PPP3CA: variants seen among roughly 807,000 people sequenced by gnomAD.
PPP3CA encodes protein phosphatase 3 catalytic subunit alpha.
A neutral mutation model predicts 66.5 loss-of-function variants in PPP3CA; 14 were observed. The observed-to-expected ratio is 0.21, with a 90% CI of 0.14 to 0.33. The LOEUF (loss-of-function observed/expected upper bound fraction) is 0.33. Ranked by LOEUF, PPP3CA falls within the 10% of genes least tolerant of loss-of-function variation. The probability of loss-of-function intolerance (pLI) is 1.00; values close to 1 mark genes in which losing one functional copy is unlikely to be tolerated. For synonymous variants in PPP3CA, 232 were observed against 226.2 expected (o/e 1.03, Z -0.23); for missense variants, 317 against 639.5 (o/e 0.50, Z 5.44).
At chr4:101,294,936 C>T (rs893008139) in intron 1 of PPP3CA, among the ~76,000 whole-genome samples, 1 of 151,928 alleles carries the variant, frequency 6.6e-6, no homozygotes, top group African/African-American at 2.4e-5. Context: ...AATGTTTATA[C>T]ACAAGGTAAA....
intron 1 of PPP3CA, among the ~76,000 whole-genome samples, chr4:101,221,941 AAC>A (rs1214065863): frequency 6.6e-6 from 1 of 151,614 alleles, no homozygotes; most frequent in Non-Finnish European, 1.5e-5. Context: ...ATATTACCCA[AAC>A]ACACTTAAAA....
chr4:101,203,023 T>C (rs1025890406), intron 1 of PPP3CA, among the ~76,000 whole-genome samples: 1 of 152,170 alleles, frequency 6.6e-6, no homozygotes, highest in African/African-American at 2.4e-5. Flanking sequence ...TATAGCAAAA[T>C]AGTATCTTAC....
chr4:101,319,287 C>T (rs75375211), intron 1 of PPP3CA, among the ~76,000 whole-genome samples: 1,938 of 151,836 alleles, frequency 0.013, 49 homozygotes, highest in African/African-American at 0.044. Context: ...AAAACTCTTA[C>T]TATACTATTT....
chr4:101,266,874 G>C (rs1324233010), intron 1 of PPP3CA, among the ~76,000 whole-genome samples: 3 of 152,186 alleles, frequency 2.0e-5, no homozygotes, highest in African/African-American at 7.2e-5. Context: ...AATCATTATT[G>C]ATTACTGATA....
intron 2 of PPP3CA, among the ~76,000 whole-genome samples, chr4:101,189,700 A>AAC (rs1475047394): frequency 6.6e-6 from 1 of 151,244 alleles, no homozygotes; most frequent in African/African-American, 2.4e-5. Flanking sequence ...AAAAAAAAAA[A>AAC]AAAACAAAAC....
chr4:101,109,762 T>C lies in PPP3CA; in HGVS notation c.260-684A>G, dbSNP rs146709801. Among the ~76,000 whole-genome samples, 14 of 151,672 alleles carry C rather than the reference T, an allele frequency of 9.2e-5. No homozygotes were observed. In the East Asian group the frequency reaches 2.3e-3, roughly 25 times the overall value. ...AATTATTAAAAGCTGTGACACATAATACAAAAAAAATTACTGGGAATTGGT... is the reference window on the plus strand; with the variant it reads ...AATTATTAAAAGCTGTGACACATAACACAAAAAAAATTACTGGGAATTGGT... On this transcript the variant is annotated intron_variant, in intron 2 of 13. Coordinates refer to ENST00000394854, the MANE Select transcript of PPP3CA (RefSeq NM_000944.5).
At chr4:101,314,253 G>A (rs144827890) in intron 1 of PPP3CA, among the ~76,000 whole-genome samples, 15 of 152,096 alleles carry the variant, frequency 9.9e-5, no homozygotes, top group African/African-American at 2.9e-4. Context: ...GAGTAAGTTC[G>A]GCAGATGGGC....
At chr4:101,295,070 G>A (rs1728156124) in intron 1 of PPP3CA, among the ~76,000 whole-genome samples, 1 of 151,654 alleles carries the variant, frequency 6.6e-6, no homozygotes, top group African/African-American at 2.4e-5. Flanking sequence ...GGGAGGCCGA[G>A]GCGGGTGGAT....
At chr4:101,221,250 C>T (rs1184483733) in intron 1 of PPP3CA, among the ~76,000 whole-genome samples, 2 of 151,546 alleles carry the variant, frequency 1.3e-5, no homozygotes, top group Non-Finnish European at 3.0e-5. Context: ...AAAGCAGCCA[C>T]GCTATAGTGC....
intron 1 of PPP3CA, among the ~76,000 whole-genome samples, chr4:101,319,621 T>TCA (rs1009364275): frequency 2.0e-5 from 3 of 152,068 alleles, no homozygotes; most frequent in African/African-American, 7.2e-5. Context: ...TTCATTCCTT[T>TCA]CAATAAGAAT....
chr4:101,117,038 A>G (rs1721857242), intron 2 of PPP3CA, among the ~76,000 whole-genome samples: 1 of 151,842 alleles, frequency 6.6e-6, no homozygotes. Flanking sequence ...CAAATACAAA[A>G]CAATAATAGC....
At chr4:101,206,107 C>G (rs1000959363) in intron 1 of PPP3CA, among the ~76,000 whole-genome samples, 3 of 152,196 alleles carry the variant, frequency 2.0e-5, no homozygotes, top group Admixed American at 2.0e-4. Context: ...TTGCTTCCTT[C>G]TGATGACCAG....
At chr4:101,029,314 T>C in intron 12 of PPP3CA, 119 bp from the exon 13 acceptor site, 1 of 530,098 alleles carries the variant, frequency 1.9e-6, no homozygotes, top group Non-Finnish European at 3.1e-6. Flanking sequence ...CTGTAAGTGC[T>C]AGATTCTGGC....
intron 1 of PPP3CA, among the ~76,000 whole-genome samples, chr4:101,337,600 G>C (rs1010172279): frequency 4.6e-5 from 7 of 152,198 alleles, no homozygotes; most frequent in Non-Finnish European, 1.0e-4. Context: ...AGTTTCCTTA[G>C]TCTTCAACTC....
intron 13 of PPP3CA, 39 bp downstream of exon 13, chr4:101,029,127 C>A: frequency 1.3e-6 from 2 of 1,544,954 alleles, no homozygotes; most frequent in Non-Finnish European, 1.8e-6. Flanking sequence ...GAGCCCTTAT[C>A]TGTTGCAGGT....
chr4:101,268,632 A>G (rs1214899567), intron 1 of PPP3CA, among the ~76,000 whole-genome samples: 1 of 152,084 alleles, frequency 6.6e-6, no homozygotes, highest in Non-Finnish European at 1.5e-5. Flanking sequence ...TCACCTCTAT[A>G]CCTAAATAAA....
intron 1 of PPP3CA, among the ~76,000 whole-genome samples, chr4:101,312,164 GAAT>G (rs1728742463): frequency 6.6e-6 from 1 of 151,936 alleles, no homozygotes; most frequent in African/African-American, 2.4e-5. Context: ...TGATTAAACT[GAAT>G]AATAAAGTAA....
rs571242053 is a variant in PPP3CA at position 101,221,095 on chromosome 4, C to T, written c.59-24979G>A. On this transcript the variant is annotated intron_variant, in intron 1 of 13. Transcript: ENST00000394854. ...TGGTAAGAGAAAGACTTCCAAATTC[C>T]TCCTATGAAATGACTTGCTTCCATA... Among the ~76,000 whole-genome samples, 80 of 151,676 alleles carry T rather than the reference C, an allele frequency of 5.3e-4. 2 individuals carry two copies. In the South Asian group the frequency reaches 0.016, roughly 30 times the overall value.
intron 1 of PPP3CA, among the ~76,000 whole-genome samples, chr4:101,302,733 T>C (rs978615674): frequency 6.6e-6 from 1 of 152,128 alleles, no homozygotes; most frequent in African/African-American, 2.4e-5. Flanking sequence ...ATATTATCAT[T>C]CCAATTGAGA....
Sources: gnomAD v4.1 joint callset for allele counts (sites outside exome capture counted in the v4.1 genomes callset) on GRCh38, gnomAD v4.1.1 for gene constraint, MANE v1.5 for transcripts, NCBI Gene and HGNC (gene_info 2026-07-23, HGNC 2026-07-21) for gene names.